CNTN4: variants seen among roughly 807,000 people sequenced by gnomAD.
CNTN4 encodes the protein contactin 4.
In CNTN4, 77 loss-of-function variants were observed where a neutral mutation model predicts 122.5. The observed-to-expected ratio is 0.63, with a 90% CI of 0.52 to 0.76. The LOEUF is 0.76. CNTN4 is among the 30% of genes least tolerant of loss of function. CNTN4 has a pLI of 0.00. For synonymous variants in CNTN4, 512 were observed against 447.0 expected, an observed-to-expected ratio of 1.15 and a Z score of -1.83; for missense variants, 1,256 against 1,259.1, an observed-to-expected ratio of 1.00 and a Z score of 0.04.
intron 7 of CNTN4, among the ~76,000 whole-genome samples, chr3:2,845,502 T>G (rs995896953): frequency 1.3e-5 from 2 of 152,202 alleles, no homozygotes; most frequent in African/African-American, 4.8e-5. Context: ...CATAAAATGT[T>G]TATGACATAC....
intron 3 of CNTN4, among the ~76,000 whole-genome samples, chr3:2,342,007 C>T (rs536537070): frequency 6.6e-6 from 1 of 152,282 alleles, no homozygotes; most frequent in Admixed American, 6.5e-5. Context: ...TGGATTGATA[C>T]AGTGTGGAGG....
intron 14 of CNTN4, among the ~76,000 whole-genome samples, chr3:3,011,202 C>A (rs1189686224): frequency 2.0e-5 from 3 of 152,162 alleles, no homozygotes; most frequent in African/African-American, 7.2e-5. Context: ...AAGCCAGATA[C>A]TTCTCAGCTA....
chr3:2,694,072 T>A (rs1465030901), intron 4 of CNTN4, among the ~76,000 whole-genome samples: 1 of 152,194 alleles, frequency 6.6e-6, no homozygotes, highest in Non-Finnish European at 1.5e-5. Context: ...GTCCTCATAC[T>A]TTCCTGCTAG....
At chr3:2,103,864 A>G (rs766853925) in intron 2 of CNTN4, among the ~76,000 whole-genome samples, 2 of 152,030 alleles carry the variant, frequency 1.3e-5, no homozygotes, top group Admixed American at 6.6e-5. Context: ...TATGTTTCCT[A>G]TGTATTTGTC....
Position 2,866,802 on chromosome 3 carries a change from C to G in CNTN4, c.505C>G (p.Arg169Gly), listed in dbSNP as rs1018920181. ...TGAATACCCTTCCTATCAGGATAAT[C>G]GCCGCTTTGTTTCTCAAGAGACTGG... ...FNEYPSYQDN[R>G]RFVSQETGNL... The change falls in exon 8 of 25, where the codon CGC becomes GGC. Residue 169 changes from arginine to glycine, a missense_variant. Physicochemically the swap from Arg to Gly is moderately radical, Grantham distance 125 (BLOSUM62 -2). Coordinates refer to ENST00000418658, the MANE Select transcript of CNTN4 (RefSeq NM_175607.3). 5.6e-6 allele frequency: 9 copies of G among 1,613,928 alleles called. No homozygotes were observed. The highest frequency in any genetic ancestry group is 7.6e-6 in the Non-Finnish European group (9 of 1,179,908).
chr3:2,568,902 C>G (rs1341654053), intron 3 of CNTN4, among the ~76,000 whole-genome samples: 1 of 152,164 alleles, frequency 6.6e-6, no homozygotes, highest in Non-Finnish European at 1.5e-5. Flanking sequence ...ATTTCCTAAG[C>G]TAATTTTAAT....
intron 3 of CNTN4, among the ~76,000 whole-genome samples, chr3:2,526,795 A>G (rs5004846): frequency 0.12 from 18,562 of 152,112 alleles, 1,433 homozygotes; most frequent in Middle Eastern, 0.18. Context: ...AGGCAGGTTG[A>G]GAAAGAAGAT....
intron 10 of CNTN4, among the ~76,000 whole-genome samples, chr3:2,891,453 A>G (rs1434439271): frequency 2.6e-4 from 40 of 152,158 alleles, no homozygotes; most frequent in Non-Finnish European, 5.9e-5. Flanking sequence ...TCTCAAATAA[A>G]TAAATAAATA....
chr3:2,759,218 C>T (rs1447907781), intron 6 of CNTN4, among the ~76,000 whole-genome samples: 4 of 151,980 alleles, frequency 2.6e-5, no homozygotes, highest in African/African-American at 7.3e-5. Flanking sequence ...TGCAATGGTG[C>T]GATCTCAGCT....
intron 2 of CNTN4, among the ~76,000 whole-genome samples, chr3:2,170,822 C>T (rs552001773): frequency 6.6e-5 from 10 of 151,908 alleles, no homozygotes; most frequent in African/African-American, 1.7e-4. Flanking sequence ...TAGAACAAAC[C>T]GTAGTTATAA....
intron 3 of CNTN4, among the ~76,000 whole-genome samples, chr3:2,395,553 G>C (rs2046611430): frequency 6.6e-6 from 1 of 152,142 alleles, no homozygotes; most frequent in Non-Finnish European, 1.5e-5. Context: ...CACCCACGCA[G>C]TGAGCATAGT....
chr3:2,541,909 C>A (rs1329905680), intron 3 of CNTN4, among the ~76,000 whole-genome samples: 2 of 152,058 alleles, frequency 1.3e-5, no homozygotes, highest in Admixed American at 6.6e-5. Context: ...TAATATTTAT[C>A]TCTGTGGAAC....
At chr3:2,344,513 C>G (rs955464139) in intron 3 of CNTN4, among the ~76,000 whole-genome samples, 2 of 152,080 alleles carry the variant, frequency 1.3e-5, no homozygotes, top group Non-Finnish European at 2.9e-5. Flanking sequence ...CTCCTGACCT[C>G]ATGATCCACC....
At chr3:2,439,222 C>T (rs1158276571) in intron 3 of CNTN4, among the ~76,000 whole-genome samples, 2 of 152,182 alleles carry the variant, frequency 1.3e-5, no homozygotes, top group East Asian at 3.8e-4. Context: ...AACAAATCCA[C>T]ACCACCTGAT....
intron 3 of CNTN4, among the ~76,000 whole-genome samples, chr3:2,496,567 C>T (rs2076457157): frequency 6.6e-6 from 1 of 152,096 alleles, no homozygotes. Context: ...TGGACAATTT[C>T]AGTCTCCTGG....
chr3:2,206,221 G>A (rs531712825), intron 2 of CNTN4, among the ~76,000 whole-genome samples: 32 of 152,132 alleles, frequency 2.1e-4, no homozygotes, highest in Admixed American at 5.2e-4. Context: ...AAACAATAGG[G>A]AAACATCAAA....
chr3:2,733,342 T>C (rs989738907), intron 4 of CNTN4, among the ~76,000 whole-genome samples: 2 of 152,194 alleles, frequency 1.3e-5, no homozygotes, highest in African/African-American at 4.8e-5. Context: ...AATAACATGT[T>C]TCATTTACCT....
At chr3:2,137,653 G>A (rs988516106) in intron 2 of CNTN4, among the ~76,000 whole-genome samples, 4 of 152,216 alleles carry the variant, frequency 2.6e-5, no homozygotes, top group Admixed American at 2.6e-4. Context: ...TGGGAGCTAT[G>A]CACATCATGG....
chr3:2,576,593 G>A (rs7617298), intron 4 of CNTN4, among the ~76,000 whole-genome samples: 1,723 of 148,994 alleles, frequency 0.012, 43 homozygotes, highest in African/African-American at 0.041. Context: ...TGTCTTCCAG[G>A]CTGAAGTGCA....
Sources: gnomAD v4.1 joint callset for allele counts (sites outside exome capture counted in the v4.1 genomes callset) on GRCh38, gnomAD v4.1.1 for gene constraint, MANE v1.5 for transcripts, NCBI Gene and HGNC (gene_info 2026-07-23, HGNC 2026-07-21) for gene names.